Variants in PTPRT observed in about 807,000 individuals in gnomAD.
PTPRT encodes the protein protein tyrosine phosphatase receptor type T, also known as receptor-type tyrosine-protein phosphatase T.
PTPRT carries 56 observed loss-of-function variants against 176.8 expected under a neutral mutation model. That is an observed-to-expected ratio of 0.32 (90% CI 0.26 to 0.40). The LOEUF is 0.40. Among genes scored for constraint, PTPRT ranks in the 10% least tolerant of loss-of-function variants. The probability of loss-of-function intolerance (pLI) is 1.00; values close to 1 mark genes in which losing one functional copy is unlikely to be tolerated. For synonymous variants in PTPRT, 783 were observed against 739.0 expected (o/e 1.06, Z -0.96); for missense variants, 1,540 against 1,908.2 (o/e 0.81, Z 3.60).
chr20:42,546,594 T>C lies in PTPRT; in HGVS notation c.1154-74032A>G, dbSNP rs150707506. Reference sequence around the variant, plus strand: ...ACTGCTTTGTGTAAGAGGTCCAGCTTGGTGCCTGTCTGTCTTGGCTTTCAG... The same window carrying C: ...ACTGCTTTGTGTAAGAGGTCCAGCTCGGTGCCTGTCTGTCTTGGCTTTCAG... On this transcript the variant is annotated intron_variant, in intron 7 of 30. Coordinates refer to ENST00000373187, the MANE Select transcript of PTPRT (RefSeq NM_007050.6). 4.6e-3 allele frequency among the ~76,000 whole-genome samples: 701 copies of C among 152,326 alleles called. 4 individuals are homozygous for C. Among genetic ancestry groups the C allele is most frequent in the African/African-American group, 0.016 (667 of 41,580 alleles).
intron 7 of PTPRT, among the ~76,000 whole-genome samples, chr20:42,662,196 G>A (rs12480300): frequency 0.094 from 14,230 of 152,152 alleles, 736 homozygotes; most frequent in Admixed American, 0.12. Context: ...AGCCTACTTC[G>A]TTCCTTGCCA....
intron 15 of PTPRT, among the ~76,000 whole-genome samples, chr20:42,217,376 T>TACACAC (rs71335847): frequency 0.03 from 3,108 of 104,286 alleles, 75 homozygotes; most frequent in East Asian, 0.052. Flanking sequence ...CTCTCAAACA[T>TACACAC]ACACACACAC....
intron 6 of PTPRT, among the ~76,000 whole-genome samples, chr20:42,680,171 C>T (rs962391581): frequency 4.6e-5 from 7 of 152,090 alleles, no homozygotes; most frequent in Admixed American, 4.6e-4. Context: ...CAATTAATTA[C>T]CTAGAAGCAA....
chr20:42,390,719 G>A (rs2058792597), intron 9 of PTPRT, among the ~76,000 whole-genome samples: 1 of 152,182 alleles, frequency 6.6e-6, no homozygotes, highest in African/African-American at 2.4e-5. Context: ...AGCCCCAGCT[G>A]ACATCTCAAC....
intron 1 of PTPRT, among the ~76,000 whole-genome samples, chr20:43,126,752 T>A (rs1470977655): frequency 6.6e-6 from 1 of 152,170 alleles, no homozygotes; most frequent in Admixed American, 6.5e-5. Context: ...CCTTTCAGTC[T>A]CTCCTCAGGA....
intron 2 of PTPRT, among the ~76,000 whole-genome samples, chr20:42,849,663 A>C (rs933239853): frequency 6.6e-6 from 1 of 152,180 alleles, no homozygotes; most frequent in Non-Finnish European, 1.5e-5. Flanking sequence ...CTTGGGGAAA[A>C]GTCACTTAGA....
At chr20:42,416,666 G>C (rs1161936154) in intron 9 of PTPRT, among the ~76,000 whole-genome samples, 1 of 152,192 alleles carries the variant, frequency 6.6e-6, no homozygotes, top group Non-Finnish European at 1.5e-5. Context: ...TGGTTAAAGA[G>C]ATAAAGGTGT....
chr20:42,986,772 C>G (rs906482694), intron 1 of PTPRT, among the ~76,000 whole-genome samples: 9 of 152,142 alleles, frequency 5.9e-5, no homozygotes, highest in African/African-American at 2.2e-4. Context: ...GATGAAGAAA[C>G]TAAAGCATAA....
intron 7 of PTPRT, among the ~76,000 whole-genome samples, chr20:42,495,189 A>G (rs2145393293): frequency 6.6e-6 from 1 of 152,300 alleles, no homozygotes; most frequent in East Asian, 1.9e-4. Flanking sequence ...GATGTGAGCT[A>G]TCCAGACCCA....
At position 42,716,255 on chromosome 20, in the gene PTPRT, G is replaced by A. The variant is rs139921476; in HGVS notation, c.860-38096C>T. ...TTGCTATTTAAAAAAAAATTGCAGA[G>A]GGTATATACCCAGTAATGGGATGGC... On this transcript the variant is annotated intron_variant, in intron 6 of 30. Transcript: ENST00000373187. 2.6e-5 allele frequency among the ~76,000 whole-genome samples: 4 copies of A among 152,232 alleles called. No individual in the cohort carries two copies. The East Asian group carries it at 7.7e-4, about 29-fold the overall frequency.
intron 9 of PTPRT, among the ~76,000 whole-genome samples, chr20:42,361,868 T>A (rs1261923645): frequency 6.6e-6 from 1 of 152,220 alleles, no homozygotes; most frequent in Non-Finnish European, 1.5e-5. Context: ...CCACTAAATT[T>A]TGGAGTGATT....
the PTPRT span, among the ~76,000 whole-genome samples, chr20:42,058,745 G>A: frequency 6.6e-6 from 1 of 152,172 alleles, no homozygotes; most frequent in Non-Finnish European, 1.5e-5. Flanking sequence ...GGCCCTGATA[G>A]AGCCCAGGCA....
intron 1 of PTPRT, among the ~76,000 whole-genome samples, chr20:42,965,424 G>A (rs914042975): frequency 7.2e-5 from 11 of 152,044 alleles, no homozygotes; most frequent in East Asian, 1.9e-4. Context: ...ATAATAAACC[G>A]TAGTAAAATA....
chr20:42,448,280 C>T lies in PTPRT; in HGVS notation c.1500G>A (p.Glu500=). Residue 500 remains glutamate (E), a synonymous_variant, in exon 9 of 31, where the codon GAG becomes GAA. Coordinates refer to ENST00000373187, the MANE Select transcript of PTPRT (RefSeq NM_007050.6). The part of the protein sequence containing the change: ...LESIQGGPFE[E]KIYIQWKPPN... ...GAGGTTTCCACTGGATGTAGATCTT[C>T]TCCTCAAAGGGCCCCCCTTGGATGG... The T allele has an allele frequency of 6.2e-7, 1 of 1,613,562 alleles. No homozygotes were observed. The highest frequency in any genetic ancestry group is 1.1e-5 in the South Asian group (1 of 91,056).
intron 7 of PTPRT, among the ~76,000 whole-genome samples, chr20:42,638,635 C>A (rs1253008169): frequency 6.6e-6 from 1 of 152,050 alleles, no homozygotes; most frequent in African/African-American, 2.4e-5. Flanking sequence ...CAAGTTTGAG[C>A]ACAAGTAAAT....
the PTPRT span, among the ~76,000 whole-genome samples, chr20:42,039,375 T>C: frequency 6.6e-6 from 1 of 152,092 alleles, no homozygotes; most frequent in African/African-American, 2.4e-5. Flanking sequence ...TTTTCAAATA[T>C]ACAATATGTT....
At chr20:42,434,555 A>G (rs1206294829) in intron 9 of PTPRT, among the ~76,000 whole-genome samples, 1 of 151,834 alleles carries the variant, frequency 6.6e-6, no homozygotes. Flanking sequence ...ATGGTCCTAT[A>G]AGGTCATATA....
intron 9 of PTPRT, among the ~76,000 whole-genome samples, chr20:42,446,966 T>C (rs764254516): frequency 5.9e-5 from 9 of 152,126 alleles, no homozygotes; most frequent in Non-Finnish European, 1.0e-4. Flanking sequence ...AGATAAGGTG[T>C]TTTCTTAAGC....
Position 42,461,017 on chromosome 20 carries a change from T to C in PTPRT, c.1450+11249A>G, listed in dbSNP as rs114013969. The stretch of plus-strand genomic sequence containing the variant: ...GGGTAACACAATGAGACTCTGTCTC[T>C]ACAAAAAAAGTAAAAATAAAAATAA... On this transcript the variant is annotated intron_variant, in intron 8 of 30. Coordinates refer to ENST00000373187, the MANE Select transcript of PTPRT (RefSeq NM_007050.6). Among the ~76,000 whole-genome samples, 837 of 152,116 alleles carry C rather than the reference T, an allele frequency of 5.5e-3. 8 individuals are homozygous for C. Among genetic ancestry groups the C allele is most frequent in the African/African-American group, 0.019 (801 of 41,530 alleles).
Sources: gnomAD v4.1 joint callset for allele counts (sites outside exome capture counted in the v4.1 genomes callset) on GRCh38, gnomAD v4.1.1 for gene constraint, MANE v1.5 for transcripts, NCBI Gene and HGNC (gene_info 2026-07-23, HGNC 2026-07-21) for gene names.